HP1BP3: variants seen among roughly 807,000 people sequenced by gnomAD.
HP1BP3 encodes the protein heterochromatin protein 1-binding protein 3.
Under a neutral mutation model 62.5 loss-of-function variants are expected in HP1BP3, and 12 were observed. The ratio of observed to expected loss-of-function variants is 0.19; its 90% confidence interval spans 0.12 to 0.31. The LOEUF is 0.31. Ranked by LOEUF, HP1BP3 falls within the 10% of genes least tolerant of loss-of-function variation. HP1BP3 has a pLI of 1.00. For missense variants in HP1BP3, 502 were observed against 651.8 expected, an observed-to-expected ratio of 0.77 and a Z score of 2.50; for synonymous variants, 260 against 237.8, an observed-to-expected ratio of 1.09 and a Z score of -0.86.
intron 1 of HP1BP3, among the ~76,000 whole-genome samples, chr1:20,785,244 G>A (rs1477338083): frequency 6.6e-6 from 1 of 152,186 alleles, no homozygotes; most frequent in African/African-American, 2.4e-5. Flanking sequence ...ATAAAAAAAA[G>A]TATTGTAGAA....
rs1431394519 is a variant in HP1BP3 at position 20,743,046 on chromosome 1, C to T, written c.*1751G>A. 1 of 152,270 alleles carries T rather than the reference C, an allele frequency of 6.6e-6. No homozygotes were observed. The highest frequency in any genetic ancestry group is 2.4e-5 in the African/African-American group (1 of 41,382). 9.4% of individuals were successfully genotyped at this position (152,270 alleles called of 1,614,324 possible). On this transcript the variant is annotated 3_prime_UTR_variant, in exon 13 of 13. Coordinates refer to ENST00000438032, the MANE Select transcript of HP1BP3 (RefSeq NM_001372052.1). ...TGTATTTCTAGCTAGTACTATTTAA[C>T]ACAACTTCACAATACTAAAACAAAT...
At chr1:20,779,711 GAAAAA>G in intron 3 of HP1BP3, 96 bp downstream of exon 3, 1 of 491,814 alleles carries the variant, frequency 2.0e-6, no homozygotes, top group Non-Finnish European at 3.4e-6. Flanking sequence ...ACTTAGCCAT[GAAAAA>G]AAAAAAAAAA....
chr1:20,784,905 G>A (rs557067343), intron 1 of HP1BP3, among the ~76,000 whole-genome samples: 4 of 152,248 alleles, frequency 2.6e-5, no homozygotes, highest in African/African-American at 7.2e-5. Context: ...ACAAATATTT[G>A]CTTTTTGTCA....
chr1:20,785,669 A>G (rs2057788835), intron 1 of HP1BP3, among the ~76,000 whole-genome samples: 1 of 152,208 alleles, frequency 6.6e-6, no homozygotes. Flanking sequence ...TAAGGAGTTA[A>G]AACTTTCATC....
chr1:20,786,328 G>A (rs1334782629), intron 1 of HP1BP3: 1 of 152,308 alleles, frequency 6.6e-6, no homozygotes, highest in East Asian at 1.9e-4. Flanking sequence ...CCGGGGGAGC[G>A]AGACTCAAGG....
intron 8 of HP1BP3, among the ~76,000 whole-genome samples, chr1:20,764,147 T>C (rs995886145): frequency 5.9e-5 from 9 of 152,232 alleles, no homozygotes; most frequent in African/African-American, 2.2e-4. Flanking sequence ...TTGTACTCAT[T>C]TATATCAGAA....
At chr1:20,767,743 A>C (rs934313545) in intron 6 of HP1BP3, 79 bp from the exon 7 acceptor site, 2 of 859,988 alleles carry the variant, frequency 2.3e-6, no homozygotes, top group African/African-American at 3.4e-5. Flanking sequence ...ATGGTAATGC[A>C]AGAGCTAATG....
chr1:20,784,250 G>A (rs1425586517), intron 1 of HP1BP3, among the ~76,000 whole-genome samples: 1 of 152,018 alleles, frequency 6.6e-6, no homozygotes, highest in Non-Finnish European at 1.5e-5. Flanking sequence ...GATTACAGGT[G>A]TAAGCCACTG....
At chr1:20,774,619 C>A (rs1311263140) in intron 4 of HP1BP3, 1 of 152,088 alleles carries the variant, frequency 6.6e-6, no homozygotes, top group South Asian at 2.1e-4. Context: ...AATATCACAG[C>A]GCAGCACGTT....
At chr1:20,757,040 T>C in intron 9 of HP1BP3, 126 bp downstream of exon 9, 1 of 551,738 alleles carries the variant, frequency 1.8e-6, no homozygotes, top group Non-Finnish European at 3.2e-6. Flanking sequence ...TAGTAAATGT[T>C]GACAGATATA....
Position 20,787,270 on chromosome 1 carries a change from C to A in HP1BP3, c.-176G>T. On this transcript the variant is annotated 5_prime_UTR_variant, in exon 1 of 13. Coordinates refer to ENST00000438032, the MANE Select transcript of HP1BP3 (RefSeq NM_001372052.1). ...CCGCTCCCGCCGCCGCTAGTCGCCT[C>A]CGCCACCGCTGTCCTCCAGTCCCAG... The A allele has an allele frequency of 6.6e-6, 1 of 152,090 alleles. No individual in the cohort carries two copies. The highest frequency in any genetic ancestry group is 1.8e-4 in the South Asian group (1 of 5,552). 9.4% of individuals were successfully genotyped at this position (152,090 alleles called of 1,614,324 possible).
intron 8 of HP1BP3, among the ~76,000 whole-genome samples, 177 bp from the exon 9 acceptor site, chr1:20,757,433 A>G (rs1277154818): frequency 6.7e-6 from 1 of 149,756 alleles, no homozygotes; most frequent in African/African-American, 2.5e-5. Context: ...GTGCAATGGC[A>G]CGATATTGGC....
intron 3 of HP1BP3, among the ~76,000 whole-genome samples, chr1:20,777,286 TAAAAATAAA>T (rs1424229375): frequency 1.3e-5 from 2 of 149,244 alleles, no homozygotes; most frequent in Non-Finnish European, 1.5e-5. Flanking sequence ...CAAAAAAAAA[TAAAAATAAA>T]AAAAATAAAA....
At chr1:20,778,525 C>T (rs2154541387) in intron 3 of HP1BP3, among the ~76,000 whole-genome samples, 1 of 152,206 alleles carries the variant, frequency 6.6e-6, no homozygotes, top group East Asian at 1.9e-4. Flanking sequence ...GGCTGTTAAA[C>T]ATGGATTAAG....
intron 9 of HP1BP3, among the ~76,000 whole-genome samples, chr1:20,756,828 G>C (rs1226136043): frequency 6.6e-6 from 1 of 152,086 alleles, no homozygotes. Flanking sequence ...TGATTCTCCT[G>C]CCTCAGCCTC....
Position 20,747,644 on chromosome 1 carries a change from T to C in HP1BP3, c.1153A>G (p.Lys385Glu). The C allele has an allele frequency of 1.2e-6, 2 of 1,611,548 alleles. No individual in the cohort carries two copies. The highest frequency in any genetic ancestry group is 8.5e-7 in the Non-Finnish European group (1 of 1,178,674). Residue 385 changes from lysine to glutamate, a missense_variant, in exon 11 of 13, where the codon AAA (lysine) becomes GAA (glutamate). By Grantham distance (56) the Lys-to-Glu change is moderately conservative. Coordinates refer to ENST00000438032, the MANE Select transcript of HP1BP3 (RefSeq NM_001372052.1). The part of the protein sequence containing the change: ...TNSNYQMHLL[K>E]KTLQKCEKNG... ...TTTTCGCATTTCTGCAGGGTTTTTT[T>C]CAGCAAATGCACTGAAAAAAAAAAT... is the stretch of plus-strand genomic sequence containing the variant.
intron 9 of HP1BP3, among the ~76,000 whole-genome samples, chr1:20,755,876 A>C (rs879720823): frequency 2.6e-5 from 4 of 152,204 alleles, no homozygotes; most frequent in Non-Finnish European, 5.9e-5. Context: ...ATGCCAAAAG[A>C]AGCCAGACAC....
intron 11 of HP1BP3, 76 bp from the exon 12 acceptor site, chr1:20,745,732 A>C: frequency 6.8e-7 from 1 of 1,470,656 alleles, no homozygotes; most frequent in Non-Finnish European, 9.4e-7. Flanking sequence ...AGATGCTCTT[A>C]CCTGGACATA....
intron 4 of HP1BP3, chr1:20,774,686 C>A (rs1337934543): frequency 6.6e-6 from 1 of 151,938 alleles, no homozygotes; most frequent in East Asian, 1.9e-4. Context: ...GCCAGTCATA[C>A]AAAAATATAG....
Sources: allele counts gnomAD v4.1 joint callset (sites outside exome capture counted in the v4.1 genomes callset), GRCh38; gene constraint gnomAD v4.1.1; transcripts MANE v1.5; gene names NCBI Gene and HGNC (gene_info 2026-07-23, HGNC 2026-07-21).